Variants in CTNND2 observed in about 807,000 individuals in gnomAD.
CTNND2 encodes the protein catenin delta-2.
Under a neutral mutation model 144.4 loss-of-function variants are expected in CTNND2, and 22 were observed. The observed-to-expected ratio is 0.15, with a 90% CI of 0.11 to 0.22. The LOEUF (loss-of-function observed/expected upper bound fraction) is 0.22. Among genes scored for constraint, CTNND2 ranks in the 10% least tolerant of loss-of-function variants. The pLI is 1.00. For missense variants in CTNND2, 1,353 were observed against 1,618.8 expected, an observed-to-expected ratio of 0.84 and a Z score of 2.82; for synonymous variants, 751 against 695.6, an observed-to-expected ratio of 1.08 and a Z score of -1.25.
chr5:11,154,842 T>A (rs1157566879), intron 12 of CTNND2, among the ~76,000 whole-genome samples: 1 of 152,194 alleles, frequency 6.6e-6, no homozygotes, highest in Non-Finnish European at 1.5e-5. Context: ...TTCTTAGTTA[T>A]CCCTGAATTG....
intron 3 of CTNND2, among the ~76,000 whole-genome samples, chr5:11,485,374 T>TGTGTGC (rs1191824518): frequency 1.7e-4 from 24 of 140,518 alleles, no homozygotes; most frequent in South Asian, 8.8e-4. Context: ...TGTGTGTGTG[T>TGTGTGC]GCGCGCGCGC....
chr5:11,567,720 A>T (rs1777234582), intron 2 of CTNND2, among the ~76,000 whole-genome samples: 1 of 152,048 alleles, frequency 6.6e-6, no homozygotes, highest in South Asian at 2.1e-4. Flanking sequence ...GACTTTATTT[A>T]ACTTTTTGCA....
intron 18 of CTNND2, among the ~76,000 whole-genome samples, chr5:11,003,253 A>G (rs988926323): frequency 2.0e-5 from 3 of 152,182 alleles, no homozygotes; most frequent in Non-Finnish European, 2.9e-5. Context: ...TAGTAACCCA[A>G]GCTCACCCAT....
At chr5:11,142,771 G>T (rs1756869133) in intron 12 of CTNND2, among the ~76,000 whole-genome samples, 1 of 151,902 alleles carries the variant, frequency 6.6e-6, no homozygotes, top group African/African-American at 2.4e-5. Context: ...GCGCCACCAT[G>T]CCCGGCTAAT....
In CTNND2 at chr5:11,606,671, A is replaced by T. The variant is rs181748878; in HGVS notation, c.175-41615T>A. 1.8e-3 allele frequency among the ~76,000 whole-genome samples: 280 copies of T among 152,312 alleles called. 1 individual carries two copies. The highest frequency in any genetic ancestry group is 2.6e-3 in the Non-Finnish European group (176 of 68,018). ...GAATGAAGAGGTGAGGGCTGGAGGC[A>T]TCAGTCAGCTTTATAAGTGTGTCAT... is the stretch of plus-strand genomic sequence containing the variant. On this transcript the variant is annotated intron_variant, in intron 2 of 21. Transcript: ENST00000304623.
intron 1 of CTNND2, among the ~76,000 whole-genome samples, chr5:11,831,833 T>C (rs1188343390): frequency 6.6e-6 from 1 of 152,094 alleles, no homozygotes; most frequent in African/African-American, 2.4e-5. Context: ...AAGAACCTCA[T>C]ATCACTTCCA....
At chr5:11,508,373 T>C (rs533779534) in intron 3 of CTNND2, 5 of 152,304 alleles carry the variant, frequency 3.3e-5, no homozygotes, top group African/African-American at 1.2e-4. Flanking sequence ...ACAATTGCCA[T>C]GTTCCCGAGA....
intron 9 of CTNND2, among the ~76,000 whole-genome samples, chr5:11,277,533 T>TATTTATTC (rs1561138541): frequency 2.7e-5 from 4 of 150,560 alleles, no homozygotes; most frequent in South Asian, 2.1e-4. Flanking sequence ...TTTATTTATT[T>TATTTATTC]ATTTATTTAT....
chr5:11,278,609 AGGAGACAGGGGGAGG>A, intron 9 of CTNND2, among the ~76,000 whole-genome samples: 1 of 152,306 alleles, frequency 6.6e-6, no homozygotes, highest in East Asian at 1.9e-4. Context: ...CTGACATGAG[AGGAGACAGGGGGAGG>A]GGATGTGGCT....
At chr5:11,150,767 C>T (rs988375127) in intron 12 of CTNND2, among the ~76,000 whole-genome samples, 1 of 151,870 alleles carries the variant, frequency 6.6e-6, no homozygotes. Flanking sequence ...GCTGGGATTA[C>T]AGGTGCCCGC....
intron 13 of CTNND2, among the ~76,000 whole-genome samples, chr5:11,112,264 C>G (rs199956714): frequency 1.3e-5 from 2 of 152,186 alleles, no homozygotes; most frequent in African/African-American, 4.8e-5. Context: ...CTGGATTGTT[C>G]GGGTGGGCCT....
intron 2 of CTNND2, among the ~76,000 whole-genome samples, chr5:11,710,804 G>C (rs192332759): frequency 6.6e-6 from 1 of 152,190 alleles, no homozygotes; most frequent in Non-Finnish European, 1.5e-5. Flanking sequence ...ATGGAAGGGA[G>C]GTTAGGGTTG....
At chr5:11,137,729 C>A (rs1756303173) in intron 12 of CTNND2, among the ~76,000 whole-genome samples, 1 of 152,126 alleles carries the variant, frequency 6.6e-6, no homozygotes, top group Non-Finnish European at 1.5e-5. Flanking sequence ...GCAGGCAAAT[C>A]CTTATTTATG....
At chr5:11,806,941 A>G (rs1792037684) in intron 1 of CTNND2, among the ~76,000 whole-genome samples, 1 of 152,054 alleles carries the variant, frequency 6.6e-6, no homozygotes, top group Admixed American at 6.6e-5. Context: ...GAGTGGATGG[A>G]TCATAGGTGA....
chr5:11,356,832 CAA>C (rs1002684532), intron 8 of CTNND2, among the ~76,000 whole-genome samples: 5 of 139,072 alleles, frequency 3.6e-5, no homozygotes, highest in African/African-American at 2.6e-5. Context: ...AACTCAACAG[CAA>C]AAAAAAAAAA....
At chr5:11,716,073 G>A (rs1403788273) in intron 2 of CTNND2, among the ~76,000 whole-genome samples, 5 of 152,078 alleles carry the variant, frequency 3.3e-5, no homozygotes, top group Non-Finnish European at 4.4e-5. Context: ...AACCATTCTG[G>A]GGCCACCAAT....
intron 11 of CTNND2, among the ~76,000 whole-genome samples, chr5:11,165,123 G>T (rs1759181511): frequency 6.6e-6 from 1 of 152,184 alleles, no homozygotes; most frequent in South Asian, 2.1e-4. Flanking sequence ...AACAGCAGCT[G>T]CAAGATGTAA....
intron 9 of CTNND2, among the ~76,000 whole-genome samples, chr5:11,336,232 C>A (rs1753707818): frequency 6.6e-6 from 1 of 152,086 alleles, no homozygotes; most frequent in South Asian, 2.1e-4. Context: ...TGAGTTTTGT[C>A]CAATTCTTTG....
chr5:11,710,923 G>C (rs997651720), intron 2 of CTNND2, among the ~76,000 whole-genome samples: 1 of 152,092 alleles, frequency 6.6e-6, no homozygotes, highest in Non-Finnish European at 1.5e-5. Flanking sequence ...TTAAACATAA[G>C]AAAAACAAGT....
Sources: allele counts gnomAD v4.1 joint callset (sites outside exome capture counted in the v4.1 genomes callset), GRCh38; gene constraint gnomAD v4.1.1; transcripts MANE v1.5; gene names NCBI Gene and HGNC (gene_info 2026-07-23, HGNC 2026-07-21).